Variants in ELOVL5 observed in about 807,000 individuals in gnomAD.
ELOVL5 encodes very long chain fatty acid elongase 5.
ELOVL5 carries 8 observed loss-of-function variants against 38.6 expected under a neutral mutation model. That is an observed-to-expected ratio of 0.21 (90% CI 0.12 to 0.37). ELOVL5 has a LOEUF of 0.37. ELOVL5 is among the 10% of genes least tolerant of loss of function. ELOVL5 has a pLI of 1.00. For synonymous variants in ELOVL5, 127 were observed against 133.7 expected, an observed-to-expected ratio of 0.95 and a Z score of 0.34; for missense variants, 280 against 367.8, an observed-to-expected ratio of 0.76 and a Z score of 1.95.
At chr6:53,301,717 G>A (rs759741046) in intron 1 of ELOVL5, among the ~76,000 whole-genome samples, 1 of 146,052 alleles carries the variant, frequency 6.8e-6, no homozygotes, top group African/African-American at 2.7e-5. Context: ...TGGATTACGG[G>A]CAGGTAAATT....
intron 1 of ELOVL5, among the ~76,000 whole-genome samples, chr6:53,331,480 CCAA>C (rs1768799819): frequency 6.6e-6 from 1 of 152,146 alleles, no homozygotes; most frequent in Admixed American, 6.5e-5. Flanking sequence ...TAGGTTTACA[CCAA>C]CATCTCCACA....
chr6:53,322,787 T>C (rs1188602212), intron 1 of ELOVL5, among the ~76,000 whole-genome samples: 1 of 152,242 alleles, frequency 6.6e-6, no homozygotes, highest in Non-Finnish European at 1.5e-5. Context: ...GGAAATGGCA[T>C]TAACTCTGGC....
At chr6:53,343,861 G>A (rs1769429916) in intron 1 of ELOVL5, among the ~76,000 whole-genome samples, 1 of 152,218 alleles carries the variant, frequency 6.6e-6, no homozygotes, top group South Asian at 2.1e-4. Flanking sequence ...TATCATGGGA[G>A]CAGAGGTAAC....
At chr6:53,294,308 G>C (rs1282347100) in intron 2 of ELOVL5, 1 of 1,571,518 alleles carries the variant, frequency 6.4e-7, no homozygotes, top group South Asian at 1.2e-5. Context: ...TGAAGCAATT[G>C]TGGCCAGTGA....
At chr6:53,310,947 T>C (rs933726995) in intron 1 of ELOVL5, among the ~76,000 whole-genome samples, 1 of 152,160 alleles carries the variant, frequency 6.6e-6, no homozygotes, top group Non-Finnish European at 1.5e-5. Context: ...AGCATGGAAA[T>C]TTTTCAGCTT....
chr6:53,284,967 T>G (rs909408510), intron 3 of ELOVL5, among the ~76,000 whole-genome samples: 1 of 152,156 alleles, frequency 6.6e-6, no homozygotes, highest in African/African-American at 2.4e-5. Context: ...CCCCTAACCA[T>G]CTCTTTCTTC....
intron 3 of ELOVL5, chr6:53,277,712 C>T (rs1164405680): frequency 6.6e-6 from 1 of 152,200 alleles, no homozygotes; most frequent in Non-Finnish European, 1.5e-5. Flanking sequence ...CATGGCCAGT[C>T]AAGCAGGATC....
Position 53,348,865 on chromosome 6 carries a change from G to GCGGCGGAGGGAGCGCGGGTGGCAGC in ELOVL5, c.-82_-58dup, listed in dbSNP as rs752126012. The GCGGCGGAGGGAGCGCGGGTGGCAGC allele has an allele frequency of 2.4e-5, 11 of 458,004 alleles. No individual in the cohort carries two copies. In the Admixed American group the frequency reaches 2.6e-4, roughly 11 times the overall value. 28.4% of individuals were successfully genotyped at this position (458,004 alleles called of 1,614,324 possible). ...AGCTTTGAGCAGCAGCAAGGCGGCG[G>GCGGCGGAGGGAGCGCGGGTGGCAGC]CGGCGGAGGGAGCGCGGGTGGCAGC... On this transcript the variant is annotated 5_prime_UTR_variant, in exon 1 of 8. Coordinates refer to ENST00000304434, the MANE Select transcript of ELOVL5 (RefSeq NM_021814.5).
At chr6:53,304,660 T>C (rs1290335551) in intron 1 of ELOVL5, among the ~76,000 whole-genome samples, 2 of 151,994 alleles carry the variant, frequency 1.3e-5, no homozygotes, top group Non-Finnish European at 2.9e-5. Flanking sequence ...AGCATCTGTT[T>C]AACAAAGCAC....
At chr6:53,269,816 T>C (rs900991901) in intron 7 of ELOVL5, among the ~76,000 whole-genome samples, 3 of 152,260 alleles carry the variant, frequency 2.0e-5, no homozygotes, top group Admixed American at 6.5e-5. Context: ...CCATAAACTA[T>C]GAAGCCCAGA....
At chr6:53,336,794 T>C (rs1769094356) in intron 1 of ELOVL5, 1 of 152,238 alleles carries the variant, frequency 6.6e-6, no homozygotes, top group Non-Finnish European at 1.5e-5. Flanking sequence ...ACAGGTAATA[T>C]GCAGGTAAGC....
In ELOVL5 at chr6:53,269,054, C is replaced by T. The variant is rs964809340; in HGVS notation, c.*73G>A. ...CCAGACTAGTTACAGCAGCTGTTAA[C>T]GAGCATTGGGGCACAACTCATATTG... On this transcript the variant is annotated 3_prime_UTR_variant, in exon 8 of 8. Coordinates refer to ENST00000304434, the MANE Select transcript of ELOVL5 (RefSeq NM_021814.5). 3.4e-5 allele frequency: 53 copies of T among 1,541,708 alleles called. No homozygotes were observed. Among genetic ancestry groups the T allele is most frequent in the Non-Finnish European group, 4.3e-5 (49 of 1,136,256 alleles).
At chr6:53,295,106 T>C (rs966585253) in intron 2 of ELOVL5, among the ~76,000 whole-genome samples, 3 of 152,242 alleles carry the variant, frequency 2.0e-5, no homozygotes, top group Non-Finnish European at 4.4e-5. Flanking sequence ...CTAGTTTTTC[T>C]GTGAGCCTAA....
chr6:53,308,068 C>G (rs889039311), intron 1 of ELOVL5, among the ~76,000 whole-genome samples: 5 of 151,192 alleles, frequency 3.3e-5, no homozygotes, highest in African/African-American at 1.2e-4. Context: ...TATAGTTTTA[C>G]GAGAAAAAGA....
chr6:53,282,241 T>C (rs1404568960), intron 3 of ELOVL5, among the ~76,000 whole-genome samples: 1 of 152,264 alleles, frequency 6.6e-6, no homozygotes, highest in Non-Finnish European at 1.5e-5. Flanking sequence ...ATTTGTGTCA[T>C]TTAAAGGAAG....
At chr6:53,309,695 T>C (rs911452418) in intron 1 of ELOVL5, among the ~76,000 whole-genome samples, 59 of 152,190 alleles carry the variant, frequency 3.9e-4, no homozygotes, top group Non-Finnish European at 2.1e-4. Flanking sequence ...GGCTTCTATC[T>C]TGGTCAGCTG....
At position 53,294,313 on chromosome 6, in the gene ELOVL5, C is replaced by A. The variant is rs753725278; in HGVS notation, c.58+1329G>T. The A allele has an allele frequency of 1.0e-5, 16 of 1,573,104 alleles. No homozygotes were observed. The Admixed American group carries it at 3.0e-4, about 29-fold the overall frequency. On this transcript the variant is annotated intron_variant, in intron 2 of 7. Transcript: ENST00000304434. ...CAGGGGCATGTGAAGCAATTGTGGC[C>A]AGTGAGTTTTGAGGGATGACAGCTG... is the stretch of plus-strand genomic sequence containing the variant.
At chr6:53,285,826 A>C (rs1766548505) in intron 3 of ELOVL5, among the ~76,000 whole-genome samples, 1 of 151,846 alleles carries the variant, frequency 6.6e-6, no homozygotes, top group South Asian at 2.1e-4. Context: ...GGCTGGTCTC[A>C]AACTCCTGGC....
chr6:53,294,628 G>C (rs968569202), intron 2 of ELOVL5: 2 of 1,305,820 alleles, frequency 1.5e-6, no homozygotes, highest in African/African-American at 3.0e-5. Flanking sequence ...ATTTAGAGTT[G>C]GATTTTTTGT....
Sources: allele counts gnomAD v4.1 joint callset (sites outside exome capture counted in the v4.1 genomes callset), GRCh38; gene constraint gnomAD v4.1.1; transcripts MANE v1.5; gene names NCBI Gene and HGNC (gene_info 2026-07-23, HGNC 2026-07-21).